Variants in CNTNAP2 observed in about 807,000 individuals in gnomAD.
CNTNAP2 encodes contactin-associated protein-like 2.
A neutral mutation model predicts 155.2 loss-of-function variants in CNTNAP2; 98 were observed. The ratio of observed to expected loss-of-function variants is 0.63; its 90% confidence interval spans 0.54 to 0.75. The LOEUF is 0.75. Among genes scored for constraint, CNTNAP2 ranks in the 30% least tolerant of loss-of-function variants. The pLI is 0.00. For synonymous variants in CNTNAP2, 651 were observed against 631.2 expected, an observed-to-expected ratio of 1.03 and a Z score of -0.47; for missense variants, 1,727 against 1,688.1, an observed-to-expected ratio of 1.02 and a Z score of -0.40.
At position 148,399,276 on chromosome 7, in the gene CNTNAP2, T is replaced by A. The variant is rs1292866906; in HGVS notation, c.3716-10115T>A. On this transcript the variant is annotated intron_variant, in intron 22 of 23. Coordinates refer to ENST00000361727, the MANE Select transcript of CNTNAP2 (RefSeq NM_014141.6). ...TAAGAATGTTTTGTCAAAAAACAAA[T>A]CCATAAACTTCAAAAAAATCCACGG... Among the ~76,000 whole-genome samples, 3 of 152,014 alleles carry A rather than the reference T, an allele frequency of 2.0e-5. No individual in the cohort carries two copies. The East Asian group carries it at 5.8e-4, about 29-fold the overall frequency.
chr7:146,451,891 A>ATATT (rs1259272427), intron 1 of CNTNAP2, among the ~76,000 whole-genome samples: 2 of 75,842 alleles, frequency 2.6e-5, no homozygotes, highest in Admixed American at 3.2e-4. Context: ...ACATATACAT[A>ATATT]TATTTATTTA....
At chr7:146,854,652 C>T (rs984953266) in intron 3 of CNTNAP2, among the ~76,000 whole-genome samples, 1 of 152,156 alleles carries the variant, frequency 6.6e-6, no homozygotes, top group Non-Finnish European at 1.5e-5. Context: ...ACGGGATCTA[C>T]TCACACTTAG....
chr7:147,908,917 C>A (rs77685859), intron 14 of CNTNAP2, among the ~76,000 whole-genome samples: 1,671 of 152,248 alleles, frequency 0.011, 87 homozygotes, highest in Admixed American at 0.091. Context: ...TATTTCACAT[C>A]TTTGTTTTCT....
At chr7:146,908,494 A>G (rs1310726696) in intron 3 of CNTNAP2, among the ~76,000 whole-genome samples, 1 of 137,732 alleles carries the variant, frequency 7.3e-6, no homozygotes, top group Admixed American at 7.4e-5. Context: ...AGGATTAAGA[A>G]TCTCACTCAA....
chr7:146,275,021 T>C (rs910542366), intron 1 of CNTNAP2, among the ~76,000 whole-genome samples: 3 of 152,192 alleles, frequency 2.0e-5, no homozygotes, highest in African/African-American at 7.2e-5. Flanking sequence ...TTGCCCTCTA[T>C]AGTTTTAAAT....
At position 146,286,461 on chromosome 7, in the gene CNTNAP2, A is replaced by T. The variant is rs1800338635; in HGVS notation, c.97+169488A>T. 2.6e-5 allele frequency among the ~76,000 whole-genome samples: 4 copies of T among 152,080 alleles called. No individual in the cohort carries two copies. The South Asian group carries it at 8.3e-4, about 31-fold the overall frequency. On this transcript the variant is annotated intron_variant, in intron 1 of 23. Coordinates refer to ENST00000361727, the MANE Select transcript of CNTNAP2 (RefSeq NM_014141.6). ...CTTTGCAATAGAAACTTCTGCAGAG[A>T]CCAGTCTACCTTTTTTTGTTGTCTT...
chr7:147,154,563 A>G (rs1487245766), intron 8 of CNTNAP2, among the ~76,000 whole-genome samples: 30 of 152,142 alleles, frequency 2.0e-4, no homozygotes, highest in Admixed American at 1.8e-3. Flanking sequence ...TTATATATTA[A>G]TTTTGTGCAC....
At chr7:147,182,143 A>G (rs200863466) in intron 8 of CNTNAP2, among the ~76,000 whole-genome samples, 4,810 of 151,042 alleles carry the variant, frequency 0.032, 155 homozygotes, top group East Asian at 0.14. Context: ...AAAAAAAAAA[A>G]AAAGAAAGTA....
chr7:146,510,456 T>A (rs1797449178), intron 1 of CNTNAP2, among the ~76,000 whole-genome samples: 1 of 152,188 alleles, frequency 6.6e-6, no homozygotes, highest in Non-Finnish European at 1.5e-5. Context: ...CATGGTTGCT[T>A]TGGCTATTCA....
At chr7:147,288,436 CTG>C (rs1805230577) in intron 8 of CNTNAP2, among the ~76,000 whole-genome samples, 1 of 152,140 alleles carries the variant, frequency 6.6e-6, no homozygotes, top group Non-Finnish European at 1.5e-5. Context: ...TGAAGGAGAA[CTG>C]TAAAAGGGCT....
chr7:146,383,127 A>G (rs115156246), intron 1 of CNTNAP2, among the ~76,000 whole-genome samples: 34 of 152,304 alleles, frequency 2.2e-4, no homozygotes, highest in African/African-American at 7.7e-4. Flanking sequence ...AAATAGCTAC[A>G]GATTGTGAGA....
At chr7:147,002,409 T>C (rs192871471) in intron 3 of CNTNAP2, among the ~76,000 whole-genome samples, 3 of 152,166 alleles carry the variant, frequency 2.0e-5, no homozygotes, top group African/African-American at 7.2e-5. Context: ...AGCTAGAAGA[T>C]AATCCAGTTG....
At chr7:148,148,142 G>T (rs1177922428) in intron 17 of CNTNAP2, among the ~76,000 whole-genome samples, 1 of 152,102 alleles carries the variant, frequency 6.6e-6, no homozygotes, top group African/African-American at 2.4e-5. Context: ...TTTTTGAAAT[G>T]ATAAATATAA....
chr7:147,041,200 T>C (rs918676242), intron 3 of CNTNAP2, among the ~76,000 whole-genome samples: 1 of 152,198 alleles, frequency 6.6e-6, no homozygotes, highest in African/African-American at 2.4e-5. Context: ...TTATGATTTT[T>C]TTCAACATAA....
intron 1 of CNTNAP2, among the ~76,000 whole-genome samples, chr7:146,476,806 C>A (rs1584943031): frequency 6.6e-6 from 1 of 152,226 alleles, no homozygotes; most frequent in Admixed American, 6.5e-5. Flanking sequence ...TAGATAAAAT[C>A]TCATGAATGA....
At chr7:146,977,064 G>T (rs780107395) in intron 3 of CNTNAP2, among the ~76,000 whole-genome samples, 5 of 152,072 alleles carry the variant, frequency 3.3e-5, no homozygotes, top group African/African-American at 4.8e-5. Context: ...TGCTCCTGAG[G>T]TCTAAAGAAC....
chr7:146,930,601 T>C (rs1214281893), intron 3 of CNTNAP2, among the ~76,000 whole-genome samples: 1 of 152,188 alleles, frequency 6.6e-6, no homozygotes, highest in Non-Finnish European at 1.5e-5. Context: ...ACTTTAAATG[T>C]AAATGGACTA....
At chr7:146,391,221 C>T (rs996645338) in intron 1 of CNTNAP2, among the ~76,000 whole-genome samples, 7 of 150,978 alleles carry the variant, frequency 4.6e-5, no homozygotes, top group South Asian at 2.1e-4. Context: ...CTTGATTGAT[C>T]CTGGGACGAA....
rs944353634 is a variant in CNTNAP2 at position 148,117,453 on chromosome 7, C to T, written c.2384-665C>T. On this transcript the variant is annotated intron_variant, in intron 15 of 23. Transcript: ENST00000361727. ...CCGGCTCCTCACCTCCTCCAGGCTC[C>T]GTCAGTTGTATTCCTGAAGCACCTG... Among the ~76,000 whole-genome samples, 78 of 152,196 alleles carry T rather than the reference C, an allele frequency of 5.1e-4. 1 individual carries two copies. The highest frequency in any genetic ancestry group is 1.7e-3 in the African/African-American group (71 of 41,444).
Sources: allele counts gnomAD v4.1 joint callset (sites outside exome capture counted in the v4.1 genomes callset), GRCh38; gene constraint gnomAD v4.1.1; transcripts MANE v1.5; gene names NCBI Gene and HGNC (gene_info 2026-07-23, HGNC 2026-07-21).